Variants in DNAI4 observed in about 807,000 individuals in gnomAD.
DNAI4 encodes WD repeat domain 78.
In DNAI4, 85 loss-of-function variants were observed where a neutral mutation model predicts 105.8. That is an observed-to-expected ratio of 0.80 (90% CI 0.67 to 0.96). The LOEUF (loss-of-function observed/expected upper bound fraction) is 0.96, where lower values mean the gene tolerates loss of function less well. DNAI4 is among the 40% of genes least tolerant of loss of function. DNAI4 has a pLI of 0.00. For synonymous variants in DNAI4, 352 were observed against 331.5 expected (o/e 1.06, Z -0.67); for missense variants, 1,014 against 1,005.6 (o/e 1.01, Z -0.11).
At chr1:66,834,274 C>T (rs945743417) in intron 11 of DNAI4, 126 bp from the exon 12 acceptor site, 2 of 633,188 alleles carry the variant, frequency 3.2e-6, no homozygotes, top group Non-Finnish European at 2.4e-6. Context: ...TTTTATTGTT[C>T]AAAAATAGAC....
rs1379491759 is a variant in DNAI4 at position 66,822,533 on chromosome 1, T to A, written c.2340-16A>T. 2 of 1,557,570 alleles carry A rather than the reference T, an allele frequency of 1.3e-6. No homozygotes were observed. Among genetic ancestry groups the A allele is most frequent in the Non-Finnish European group, 8.7e-7 (1 of 1,155,606 alleles). On this transcript the variant is annotated splice_polypyrimidine_tract_variant and intron_variant, in intron 15 of 16. Transcript: ENST00000371026. ...AGGGTCCAAACTGTAATGAAATATT[T>A]TATTTGTAAATTCAATTGTTATATT...
intron 4 of DNAI4, among the ~76,000 whole-genome samples, chr1:66,886,826 T>C (rs1257685908): frequency 1.3e-5 from 2 of 152,194 alleles, no homozygotes; most frequent in Non-Finnish European, 2.9e-5. Flanking sequence ...ATGGAATTCC[T>C]TAAACGCTGT....
rs150114253 is a variant in DNAI4, at chr1:66,869,116, A to AATAT, written c.940+2250_940+2253dup. Among the ~76,000 whole-genome samples, 1,164 of 145,698 alleles carry AATAT rather than the reference A, an allele frequency of 8.0e-3. 14 individuals are homozygous for AATAT. Among genetic ancestry groups the AATAT allele is most frequent in the African/African-American group, 0.029 (1,105 of 38,388 alleles). On this transcript the variant is annotated intron_variant, in intron 6 of 16. Coordinates refer to ENST00000371026, the MANE Select transcript of DNAI4 (RefSeq NM_024763.5). Reference sequence around the variant, plus strand: ...AATAAATAAATAAATCCTAGATATGAATATATATATATATATACATATTCT... The same window carrying AATAT: ...AATAAATAAATAAATCCTAGATATGAATATATATATATATATATATACATATTCT...
intron 13 of DNAI4, among the ~76,000 whole-genome samples, chr1:66,832,444 A>G (rs1645885136): frequency 6.6e-6 from 1 of 152,228 alleles, no homozygotes. Flanking sequence ...AAAGCCTATC[A>G]TAGTGGCTGA....
intron 1 of DNAI4, among the ~76,000 whole-genome samples, chr1:66,914,177 A>G (rs1430204496): frequency 1.3e-5 from 2 of 152,182 alleles, no homozygotes; most frequent in Non-Finnish European, 2.9e-5. Flanking sequence ...AAACAAGCAG[A>G]ATGCATCTTT....
At chr1:66,836,268 GAAAGAAAGAAAGAAAGAAAGAAAGAA>G in intron 10 of DNAI4, among the ~76,000 whole-genome samples, 1 of 64,398 alleles carries the variant, frequency 1.6e-5, no homozygotes, top group South Asian at 5.1e-4. Flanking sequence ...AAGAAAGAAA[GAAAGAAAGAAAGAAAGAAAGAAAGAA>G]AGAAAGAAAG....
intron 8 of DNAI4, among the ~76,000 whole-genome samples, chr1:66,845,403 A>T (rs1646255440): frequency 1.3e-5 from 2 of 152,120 alleles, no homozygotes; most frequent in Non-Finnish European, 2.9e-5. Context: ...ACTCTTATAC[A>T]TTGTTGTGGG....
rs550606595 is a variant in DNAI4 at position 66,916,807 on chromosome 1, AAATTT to A, written c.170+7850_170+7854del. On this transcript the variant is annotated intron_variant, in intron 1 of 16. Coordinates refer to ENST00000371026, the MANE Select transcript of DNAI4 (RefSeq NM_024763.5). ...TATAGTTTATAAAATTTTGAAAAAT[AAATTT>A]AATTGGCTTCATGCTGTTTTAATTA... Among the ~76,000 whole-genome samples, 195 of 152,274 alleles carry A rather than the reference AAATTT, an allele frequency of 1.3e-3. 1 individual carries two copies. The highest frequency in any genetic ancestry group is 4.3e-3 in the African/African-American group (180 of 41,550).
chr1:66,892,989 GAAA>G (rs1557964613), intron 3 of DNAI4, among the ~76,000 whole-genome samples: 4,299 of 118,264 alleles, frequency 0.036, 212 homozygotes, highest in Middle Eastern at 0.11. Flanking sequence ...AAGAAAGAAA[GAAA>G]GAAAGAGAGA....
intron 10 of DNAI4, among the ~76,000 whole-genome samples, chr1:66,836,244 AAGAGAGAGAG>A (rs1220960663): frequency 2.4e-5 from 3 of 127,076 alleles, no homozygotes; most frequent in African/African-American, 6.2e-5. Context: ...GAAAGAAAGA[AAGAGAGAGAG>A]AGAAAGAAAG....
intron 1 of DNAI4, among the ~76,000 whole-genome samples, chr1:66,910,338 A>G (rs994952479): frequency 3.9e-5 from 6 of 152,254 alleles, no homozygotes; most frequent in African/African-American, 1.4e-4. Context: ...GACTTAAAAA[A>G]TCTTACATGC....
intron 16 of DNAI4, among the ~76,000 whole-genome samples, chr1:66,819,435 T>G (rs1645580796): frequency 6.6e-6 from 1 of 152,196 alleles, no homozygotes; most frequent in Non-Finnish European, 1.5e-5. Context: ...CTGTTCTTTA[T>G]GACTTGATTA....
intron 13 of DNAI4, among the ~76,000 whole-genome samples, chr1:66,831,123 C>T (rs1645858731): frequency 6.6e-6 from 1 of 151,580 alleles, no homozygotes; most frequent in Non-Finnish European, 1.5e-5. Flanking sequence ...AAAGCTCACT[C>T]AAGAAGCAAT....
chr1:66,847,786 T>C, intron 7 of DNAI4, 108 bp from the exon 8 acceptor site: 1 of 915,494 alleles, frequency 1.1e-6, no homozygotes, highest in South Asian at 1.8e-5. Context: ...TTTCCTCCAG[T>C]TTCCAACAAC....
chr1:66,880,012 T>C (rs1195723648), intron 4 of DNAI4, among the ~76,000 whole-genome samples: 1 of 150,934 alleles, frequency 6.6e-6, no homozygotes, highest in Non-Finnish European at 1.5e-5. Context: ...TTCTTGATAG[T>C]GAATGAGTCT....
chr1:66,814,263 T>G (rs768434469), intron 16 of DNAI4, 83 bp from the exon 17 acceptor site: 5 of 1,094,910 alleles, frequency 4.6e-6, no homozygotes, highest in African/African-American at 3.2e-5. Context: ...CATTTAAAAT[T>G]TATAAGTTAG....
chr1:66,847,853 C>T (rs2100529577), intron 7 of DNAI4, 175 bp from the exon 8 acceptor site: 1 of 563,706 alleles, frequency 1.8e-6, no homozygotes, highest in East Asian at 3.2e-5. Flanking sequence ...ATGCACATAT[C>T]TCATTTTGGA....
chr1:66,878,162 T>C (rs1217964384), intron 4 of DNAI4, among the ~76,000 whole-genome samples: 1 of 152,152 alleles, frequency 6.6e-6, no homozygotes, highest in Non-Finnish European at 1.5e-5. Context: ...TTCTCTCCTC[T>C]TCATTTATTC....
At chr1:66,883,961 C>A (rs1304690825) in intron 4 of DNAI4, among the ~76,000 whole-genome samples, 2 of 152,110 alleles carry the variant, frequency 1.3e-5, no homozygotes, top group Admixed American at 6.5e-5. Context: ...ATTTTTCACC[C>A]TTTGATCATC....
Sources: allele counts gnomAD v4.1 joint callset (sites outside exome capture counted in the v4.1 genomes callset), GRCh38; gene constraint gnomAD v4.1.1; transcripts MANE v1.5; gene names NCBI Gene and HGNC (gene_info 2026-07-23, HGNC 2026-07-21).